Variants in CSMD1 observed in about 807,000 individuals in gnomAD.
CSMD1 encodes CUB and sushi domain-containing protein 1.
In CSMD1, 213 loss-of-function variants were observed where a neutral mutation model predicts 417.5. The observed-to-expected ratio is 0.51, with a 90% CI of 0.46 to 0.57. The LOEUF (loss-of-function observed/expected upper bound fraction) is 0.57. Ranked by LOEUF, CSMD1 falls within the 20% of genes least tolerant of loss-of-function variation. CSMD1 has a pLI of 0.00. For synonymous variants in CSMD1, 2,862 were observed against 1,736.8 expected, an observed-to-expected ratio of 1.65 and a Z score of -16.11; for missense variants, 6,923 against 4,529.7, an observed-to-expected ratio of 1.53 and a Z score of -15.17.
intron 2 of CSMD1, among the ~76,000 whole-genome samples, chr8:4,459,926 T>A (rs537364316): frequency 6.6e-6 from 1 of 152,288 alleles, no homozygotes; most frequent in Admixed American, 6.5e-5. Flanking sequence ...CAAACAATAA[T>A]GACTGTTCTA....
intron 6 of CSMD1, among the ~76,000 whole-genome samples, chr8:3,730,370 A>ACTT (rs1554524167): frequency 6.1e-5 from 8 of 131,856 alleles, no homozygotes; most frequent in Admixed American, 3.3e-4. Flanking sequence ...TTAAGGAGCG[A>ACTT]TTTTTTTTTT....
At chr8:4,160,137 C>G (rs575857824) in intron 3 of CSMD1, among the ~76,000 whole-genome samples, 3 of 151,280 alleles carry the variant, frequency 2.0e-5, no homozygotes, top group Non-Finnish European at 2.9e-5. Flanking sequence ...GTCTTAATTC[C>G]AAGTATTAAC....
chr8:4,279,117 C>G (rs758499481), intron 3 of CSMD1, among the ~76,000 whole-genome samples: 21 of 152,076 alleles, frequency 1.4e-4, no homozygotes, highest in Non-Finnish European at 2.4e-4. Flanking sequence ...ACCGTATTAG[C>G]AAACTTCTGA....
intron 10 of CSMD1, chr8:3,515,138 A>G (rs914214246): frequency 1.3e-4 from 20 of 152,370 alleles, no homozygotes; most frequent in African/African-American, 4.8e-4. Flanking sequence ...CATCTTGAAT[A>G]CATGCGAAGG....
chr8:4,754,028 T>C (rs1811511781), intron 1 of CSMD1, among the ~76,000 whole-genome samples: 1 of 152,164 alleles, frequency 6.6e-6, no homozygotes, highest in Non-Finnish European at 1.5e-5. Context: ...CTTTGAAGGT[T>C]GTTAACATTG....
rs72078338 is a variant in CSMD1, at chr8:4,761,836, CATCTATCTATCTATCTATCTATCT to C, written c.86-124302_86-124279del. ...AATAAAATAGCAAAATAGTACCATG[CATCTATCTATCTATCTATCTATCT>C]ATCTATCTATCTATCTATCTATCTA... On this transcript the variant is annotated intron_variant, in intron 1 of 69. Transcript: ENST00000635120. Among the ~76,000 whole-genome samples, 712 of 119,148 alleles carry C rather than the reference CATCTATCTATCTATCTATCTATCT, an allele frequency of 6.0e-3. 2 individuals carry two copies. The highest frequency in any genetic ancestry group is 0.013 in the Middle Eastern group (3 of 230). The allele number at this position is 119,148 out of a possible 152,430, so 78.2% of individuals were successfully genotyped here. A position where few individuals can be genotyped will look rare whatever the true frequency, so the allele number is the denominator to read the frequency against.
chr8:3,588,636 C>T (rs919999152), intron 8 of CSMD1, among the ~76,000 whole-genome samples: 11 of 152,190 alleles, frequency 7.2e-5, no homozygotes, highest in African/African-American at 2.6e-4. Context: ...TATTCCTTTA[C>T]GTATCAGTAG....
intron 1 of CSMD1, among the ~76,000 whole-genome samples, chr8:4,798,163 T>C (rs1013469258): frequency 7.9e-5 from 12 of 152,130 alleles, no homozygotes; most frequent in Admixed American, 7.9e-4. Flanking sequence ...CCCTCCCCAC[T>C]TCCCCCACCC....
chr8:4,497,323 T>G (rs1406410125), intron 2 of CSMD1, among the ~76,000 whole-genome samples: 3 of 152,212 alleles, frequency 2.0e-5, no homozygotes, highest in Admixed American at 6.5e-5. Flanking sequence ...ATCTCTCACT[T>G]GACAAAGTAA....
chr8:4,804,245 G>A (rs981600724), intron 1 of CSMD1, among the ~76,000 whole-genome samples: 18 of 152,036 alleles, frequency 1.2e-4, no homozygotes, highest in African/African-American at 4.3e-4. Context: ...ACCTTCTAAA[G>A]CTCCAGGAAA....
intron 26 of CSMD1, among the ~76,000 whole-genome samples, chr8:3,257,876 A>G: frequency 6.6e-6 from 1 of 152,086 alleles, no homozygotes; most frequent in East Asian, 1.9e-4. Flanking sequence ...TCCAGGGGCC[A>G]TTGCTGGGTT....
intron 3 of CSMD1, among the ~76,000 whole-genome samples, chr8:4,172,820 T>C (rs1040029121): frequency 6.6e-6 from 1 of 152,052 alleles, no homozygotes; most frequent in Non-Finnish European, 1.5e-5. Context: ...CCCCTGGATA[T>C]GTCCATATGG....
chr8:3,189,047 C>T, intron 34 of CSMD1, 36 bp from the exon 35 acceptor site: 3 of 1,591,354 alleles, frequency 1.9e-6, no homozygotes, highest in South Asian at 1.1e-5. Context: ...AAATAAAGTG[C>T]TGTGGGACAG....
Position 3,406,055 on chromosome 8 carries a change from G to GACC in CSMD1, c.2235_2237dup (p.Val746dup). On this transcript the variant is annotated inframe_insertion, in exon 15 of 70. Transcript: ENST00000635120. ...CACAGCGGGGCACGGTGGAGCTCCA[G>GACC]ACCACGTTCCCGTCTTGCAGTATGC... is the stretch of plus-strand genomic sequence containing the variant. 6.2e-7 allele frequency: 1 copy of GACC among 1,613,924 alleles called. No homozygotes were observed. The highest frequency in any genetic ancestry group is 8.5e-7 in the Non-Finnish European group (1 of 1,179,866).
chr8:4,195,157 C>T (rs1015021905), intron 3 of CSMD1, among the ~76,000 whole-genome samples: 1 of 152,112 alleles, frequency 6.6e-6, no homozygotes, highest in African/African-American at 2.4e-5. Flanking sequence ...CAGTTCTATC[C>T]AGAACATGTG....
intron 1 of CSMD1, among the ~76,000 whole-genome samples, chr8:4,776,620 A>G (rs1446930708): frequency 6.6e-6 from 1 of 152,198 alleles, no homozygotes; most frequent in African/African-American, 2.4e-5. Flanking sequence ...AGGTACTATC[A>G]CATAGAAAAT....
chr8:4,124,864 T>A (rs182589827), intron 3 of CSMD1, among the ~76,000 whole-genome samples: 1 of 152,014 alleles, frequency 6.6e-6, no homozygotes, highest in Non-Finnish European at 1.5e-5. Flanking sequence ...ACTAACTCTA[T>A]AGGACAGAAA....
intron 42 of CSMD1, among the ~76,000 whole-genome samples, chr8:3,116,356 G>C (rs1231488774): frequency 7.1e-6 from 1 of 139,904 alleles, no homozygotes; most frequent in Non-Finnish European, 1.5e-5. Flanking sequence ...ACTTGGCATG[G>C]ATCAGAGAGA....
At chr8:4,914,268 C>T (rs1285442374) in intron 1 of CSMD1, among the ~76,000 whole-genome samples, 1 of 152,070 alleles carries the variant, frequency 6.6e-6, no homozygotes, top group Non-Finnish European at 1.5e-5. Context: ...GAAATAGAAA[C>T]ATTTCACTTT....
Sources: gnomAD v4.1 joint callset for allele counts (sites outside exome capture counted in the v4.1 genomes callset) on GRCh38, gnomAD v4.1.1 for gene constraint, MANE v1.5 for transcripts, NCBI Gene and HGNC (gene_info 2026-07-23, HGNC 2026-07-21) for gene names.